The following LHFPL2 variants were observed in gnomAD, a reference collection of about 807,000 sequenced individuals.
LHFPL2 encodes LHFPL tetraspan subfamily member 2.
LHFPL2 carries 7 observed loss-of-function variants against 17.5 expected under a neutral mutation model. The ratio of observed to expected loss-of-function variants is 0.40; its 90% CI spans 0.23 to 0.75. The LOEUF is 0.75. Ranked by LOEUF, LHFPL2 falls within the 30% of genes least tolerant of loss-of-function variation. The probability of loss-of-function intolerance (pLI) is 0.37; values close to 1 mark genes in which losing one functional copy is unlikely to be tolerated. For missense variants in LHFPL2, 241 were observed against 294.8 expected, an observed-to-expected ratio of 0.82 and a Z score of 1.34; for synonymous variants, 134 against 116.2, an observed-to-expected ratio of 1.15 and a Z score of -0.99.
intron 2 of LHFPL2, among the ~76,000 whole-genome samples, chr5:78,629,132 T>A (rs1745160353): frequency 2.0e-5 from 3 of 152,226 alleles, no homozygotes; most frequent in Non-Finnish European, 4.4e-5. Flanking sequence ...TTACTCCTAT[T>A]AACTACTTAT....
At chr5:78,499,432 G>A (rs757330640) in intron 4 of LHFPL2, among the ~76,000 whole-genome samples, 6 of 152,180 alleles carry the variant, frequency 3.9e-5, no homozygotes, top group East Asian at 1.9e-4. Flanking sequence ...ACTGAGGCAC[G>A]GAAGGGCTAA....
At chr5:78,554,656 A>G (rs1756526696) in intron 3 of LHFPL2, among the ~76,000 whole-genome samples, 1 of 152,258 alleles carries the variant, frequency 6.6e-6, no homozygotes. Context: ...ATCATCAGGT[A>G]TAGGAAAGAT....
rs911294794 is a variant in LHFPL2 at position 78,485,447 on chromosome 5, A to G, written c.*3450T>C. ...ATATCAAGTGGTGCCGAGTCCCTCC[A>G]GAGCACCTACTGACCCCCTCAGCCT... On this transcript the variant is annotated 3_prime_UTR_variant, in exon 5 of 5. Coordinates refer to ENST00000380345, the MANE Select transcript of LHFPL2 (RefSeq NM_005779.3). 6.6e-6 allele frequency: 1 copy of G among 152,634 alleles called. No individual in the cohort carries two copies. The highest frequency in any genetic ancestry group is 1.5e-5 in the Non-Finnish European group (1 of 68,036). The allele number at this position is 152,634 out of a possible 1,614,324, so 9.5% of individuals were successfully genotyped here.
intron 2 of LHFPL2, among the ~76,000 whole-genome samples, chr5:78,610,032 C>G (rs1236265500): frequency 6.6e-6 from 1 of 152,126 alleles, no homozygotes; most frequent in Non-Finnish European, 1.5e-5. Flanking sequence ...GCCGGGGGAT[C>G]AGAGTCACCT....
Position 78,536,754 on chromosome 5 carries a change from A to G in LHFPL2, c.-185-26356T>C, listed in dbSNP as rs529119861. On this transcript the variant is annotated intron_variant, in intron 3 of 4. Transcript: ENST00000380345. ...CCAGCCATATGCATTTTTACCAGTA[A>G]AATCACAATATACAACACTTGTAAT... is the stretch of plus-strand genomic sequence containing the variant. Among the ~76,000 whole-genome samples the G allele has an allele frequency of 3.3e-5, 5 of 152,292 alleles. No individual in the cohort carries two copies. In the East Asian group the frequency reaches 9.6e-4, roughly 29 times the overall value.
At chr5:78,575,841 G>C (rs151001482) in intron 2 of LHFPL2, among the ~76,000 whole-genome samples, 12 of 152,276 alleles carry the variant, frequency 7.9e-5, no homozygotes, top group African/African-American at 2.9e-4. Context: ...GCACAGACTG[G>C]ACAATTTCAA....
At chr5:78,613,379 A>G (rs1485145183) in intron 2 of LHFPL2, among the ~76,000 whole-genome samples, 1 of 152,186 alleles carries the variant, frequency 6.6e-6, no homozygotes, top group Non-Finnish European at 1.5e-5. Flanking sequence ...TTTTCACAGC[A>G]TTGTATGGTG....
At chr5:78,594,990 C>G (rs919503703) in intron 2 of LHFPL2, among the ~76,000 whole-genome samples, 30 of 152,304 alleles carry the variant, frequency 2.0e-4, no homozygotes, top group African/African-American at 6.7e-4. Context: ...GTCTGGGGAC[C>G]AGCCTGGCTG....
intron 4 of LHFPL2, among the ~76,000 whole-genome samples, chr5:78,499,860 G>A (rs1321497166): frequency 2.0e-5 from 3 of 152,138 alleles, no homozygotes; most frequent in African/African-American, 7.2e-5. Flanking sequence ...AGCATTAGAT[G>A]CCACTTTGGA....
At chr5:78,644,343 G>T in intron 1 of LHFPL2, 2 of 1,228,574 alleles carry the variant, frequency 1.6e-6, no homozygotes, top group Non-Finnish European at 1.2e-6. Context: ...TCACTTTTTT[G>T]CTGCATCAGG....
intron 3 of LHFPL2, among the ~76,000 whole-genome samples, chr5:78,514,955 G>A (rs1193699010): frequency 6.6e-6 from 1 of 152,138 alleles, no homozygotes; most frequent in Non-Finnish European, 1.5e-5. Context: ...TCAATTTATA[G>A]CATACACACT....
At chr5:78,521,967 C>G (rs1168948275) in intron 3 of LHFPL2, among the ~76,000 whole-genome samples, 1 of 152,158 alleles carries the variant, frequency 6.6e-6, no homozygotes, top group Non-Finnish European at 1.5e-5. Context: ...CCCAGGAAAC[C>G]AAGGGCCCAG....
chr5:78,627,069 G>A (rs950122073), intron 2 of LHFPL2, among the ~76,000 whole-genome samples: 9 of 147,206 alleles, frequency 6.1e-5, no homozygotes, highest in South Asian at 4.2e-4. Flanking sequence ...CAACGAGAGC[G>A]AAACTCCATT....
chr5:78,586,106 A>G (rs1407188126), intron 2 of LHFPL2, among the ~76,000 whole-genome samples: 4 of 152,228 alleles, frequency 2.6e-5, no homozygotes, highest in African/African-American at 9.6e-5. Context: ...CCATTTGGAA[A>G]TGTAATGAAC....
chr5:78,585,676 C>A (rs934580424), intron 2 of LHFPL2, among the ~76,000 whole-genome samples: 1 of 152,168 alleles, frequency 6.6e-6, no homozygotes, highest in African/African-American at 2.4e-5. Flanking sequence ...ACAACCTCCA[C>A]CTCCTCCTCC....
chr5:78,560,460 G>A (rs1252403456), intron 3 of LHFPL2, among the ~76,000 whole-genome samples: 5 of 152,090 alleles, frequency 3.3e-5, no homozygotes, highest in Admixed American at 1.3e-4. Context: ...CTGATCTCCC[G>A]GGGCATAGCA....
At chr5:78,558,407 T>C (rs1756638431) in intron 3 of LHFPL2, among the ~76,000 whole-genome samples, 1 of 152,228 alleles carries the variant, frequency 6.6e-6, no homozygotes, top group African/African-American at 2.4e-5. Context: ...GGATTCTTCA[T>C]GCAGATGGAA....
intron 1 of LHFPL2, among the ~76,000 whole-genome samples, chr5:78,635,999 GACACAC>G (rs5868927): frequency 2.0e-5 from 3 of 150,878 alleles, no homozygotes; most frequent in South Asian, 2.1e-4. Context: ...CACACACACA[GACACAC>G]ACACACACAC....
Position 78,488,866 on chromosome 5 carries a change from C to A in LHFPL2, c.*31G>T. ...CTGTGGACTGTTTCACAAGATTACTCAAGGGAGAAAATGGCATTGTCTCTT... is the reference window on the plus strand; with the variant it reads ...CTGTGGACTGTTTCACAAGATTACTAAAGGGAGAAAATGGCATTGTCTCTT... On this transcript the variant is annotated 3_prime_UTR_variant, in exon 5 of 5. Coordinates refer to ENST00000380345, the MANE Select transcript of LHFPL2 (RefSeq NM_005779.3). The A allele has an allele frequency of 1.2e-6, 2 of 1,609,266 alleles. No individual in the cohort carries two copies. Among genetic ancestry groups the A allele is most frequent in the South Asian group, 1.1e-5 (1 of 90,862 alleles).
Sources: gnomAD v4.1 joint callset for allele counts (sites outside exome capture counted in the v4.1 genomes callset) on GRCh38, gnomAD v4.1.1 for gene constraint, MANE v1.5 for transcripts, NCBI Gene and HGNC (gene_info 2026-07-23, HGNC 2026-07-21) for gene names.